Variants in TENM2 observed in about 807,000 individuals in gnomAD.
TENM2 encodes the protein teneurin-2.
Under a neutral mutation model 245.2 loss-of-function variants are expected in TENM2, and 52 were observed. The observed-to-expected ratio is 0.21, with a 90% CI of 0.17 to 0.27. The LOEUF is 0.27. Among genes scored for constraint, TENM2 ranks in the 10% least tolerant of loss-of-function variants. TENM2 has a pLI of 1.00. For missense variants in TENM2, 3,046 were observed against 3,666.8 expected (o/e 0.83, Z 4.37); for synonymous variants, 1,363 against 1,438.9 (o/e 0.95, Z 1.19).
chr5:167,050,590 A>G, the TENM2 span, among the ~76,000 whole-genome samples: 1 of 152,176 alleles, frequency 6.6e-6, no homozygotes, highest in Non-Finnish European at 1.5e-5. Context: ...TATATTGTGG[A>G]CCGTGAATGA....
At chr5:167,981,515 A>G (rs2151968182) in intron 4 of TENM2, among the ~76,000 whole-genome samples, 1 of 152,260 alleles carries the variant, frequency 6.6e-6, no homozygotes, top group Non-Finnish European at 1.5e-5. Context: ...AAAAACCAAA[A>G]CCCTCAAGGC....
At chr5:167,288,968 T>C (rs1232439718) in intron 1 of TENM2, among the ~76,000 whole-genome samples, 1 of 152,238 alleles carries the variant, frequency 6.6e-6, no homozygotes, top group African/African-American at 2.4e-5. Context: ...TTCTTAATGA[T>C]ACAGGAACTG....
chr5:167,107,251 A>T, the TENM2 span, among the ~76,000 whole-genome samples: 94 of 151,838 alleles, frequency 6.2e-4, no homozygotes, highest in African/African-American at 2.2e-3. Context: ...AACAAGAGCG[A>T]AACTTCGTGA....
the TENM2 span, among the ~76,000 whole-genome samples, chr5:167,125,830 T>C: frequency 6.6e-6 from 1 of 152,208 alleles, no homozygotes; most frequent in Non-Finnish European, 1.5e-5. Context: ...AGTATAATTG[T>C]TAAGTCCACT....
chr5:167,206,277 C>T, the TENM2 span, among the ~76,000 whole-genome samples: 11 of 152,130 alleles, frequency 7.2e-5, no homozygotes, highest in Non-Finnish European at 1.3e-4. Flanking sequence ...ATTTGTTTCT[C>T]TTCTGTTTCT....
At chr5:168,197,880 AACC>A (rs1359309284) in intron 15 of TENM2, among the ~76,000 whole-genome samples, 1 of 152,220 alleles carries the variant, frequency 6.6e-6, no homozygotes, top group Non-Finnish European at 1.5e-5. Flanking sequence ...ATAGCTTAAG[AACC>A]ATTGGCAAAG....
intron 25 of TENM2, among the ~76,000 whole-genome samples, chr5:168,240,583 T>C (rs1408738245): frequency 1.3e-5 from 2 of 152,180 alleles, no homozygotes; most frequent in Admixed American, 1.3e-4. Context: ...ACTCAGCCTG[T>C]GTAAATGCTC....
In TENM2 at chr5:167,619,417, T is replaced by C. The variant is rs554222131; in HGVS notation, c.502+243944T>C. Among the ~76,000 whole-genome samples, 11 of 152,254 alleles carry C rather than the reference T, an allele frequency of 7.2e-5. No homozygotes were observed. In the East Asian group the frequency reaches 2.1e-3, roughly 29 times the overall value. ...GGCATAAAATTTGGTGGATGCTGTTTCCTCATCTGTGAAATTGAACCTAGA... is the reference window on the plus strand; with the variant it reads ...GGCATAAAATTTGGTGGATGCTGTTCCCTCATCTGTGAAATTGAACCTAGA... On this transcript the variant is annotated intron_variant, in intron 2 of 28. Transcript: ENST00000518659.
intron 3 of TENM2, among the ~76,000 whole-genome samples, chr5:167,910,702 A>T (rs1007430293): frequency 6.6e-6 from 1 of 152,182 alleles, no homozygotes; most frequent in East Asian, 1.9e-4. Flanking sequence ...CATGGAGCAG[A>T]TGTTTCTGAA....
At chr5:167,279,622 C>T in the TENM2 span, among the ~76,000 whole-genome samples, 1 of 146,010 alleles carries the variant, frequency 6.8e-6, no homozygotes, top group African/African-American at 2.5e-5. Flanking sequence ...TGCAAGTTCT[C>T]TCATTCTTGT....
At chr5:168,086,862 G>A (rs1792504647) in intron 7 of TENM2, among the ~76,000 whole-genome samples, 1 of 152,204 alleles carries the variant, frequency 6.6e-6, no homozygotes, top group Non-Finnish European at 1.5e-5. Flanking sequence ...CAGGGCCTGA[G>A]CTTTTGGAAA....
At chr5:167,457,156 A>G (rs1322849165) in intron 2 of TENM2, among the ~76,000 whole-genome samples, 1 of 152,178 alleles carries the variant, frequency 6.6e-6, no homozygotes, top group African/African-American at 2.4e-5. Context: ...CTCTAAAATC[A>G]TAAGAAAGTA....
chr5:167,913,670 G>A (rs1054048135), intron 3 of TENM2, among the ~76,000 whole-genome samples: 1 of 152,088 alleles, frequency 6.6e-6, no homozygotes. Flanking sequence ...TGCTTTTATA[G>A]ACAGAAAGGA....
intron 4 of TENM2, among the ~76,000 whole-genome samples, chr5:167,989,183 A>G (rs2151995996): frequency 6.6e-6 from 1 of 152,222 alleles, no homozygotes; most frequent in South Asian, 2.1e-4. Context: ...GAAAGAGATT[A>G]ATAACACCAG....
At chr5:167,048,825 C>T in the TENM2 span, among the ~76,000 whole-genome samples, 75 of 152,096 alleles carry the variant, frequency 4.9e-4, no homozygotes, top group African/African-American at 1.7e-3. Context: ...AGGCATTGGA[C>T]CAGAAGATGT....
chr5:167,245,003 C>T, the TENM2 span, among the ~76,000 whole-genome samples: 1 of 152,042 alleles, frequency 6.6e-6, no homozygotes, highest in East Asian at 1.9e-4. Flanking sequence ...TAATTCCTGT[C>T]AAATTGGTTC....
intron 10 of TENM2, among the ~76,000 whole-genome samples, chr5:168,122,297 C>G (rs1037978364): frequency 1.1e-4 from 16 of 152,246 alleles, no homozygotes; most frequent in African/African-American, 3.9e-4. Flanking sequence ...CTGCCTCAGC[C>G]TCCCAAGTAG....
intron 12 of TENM2, among the ~76,000 whole-genome samples, chr5:168,132,253 A>G (rs1004333639): frequency 1.3e-5 from 2 of 152,240 alleles, no homozygotes; most frequent in African/African-American, 4.8e-5. Flanking sequence ...CAAGAGTCTC[A>G]TCACTGGAAG....
chr5:167,261,920 G>A, the TENM2 span, among the ~76,000 whole-genome samples: 4 of 152,166 alleles, frequency 2.6e-5, no homozygotes, highest in Non-Finnish European at 5.9e-5. Context: ...GACTCTAACA[G>A]CTCCATTTTG....
Sources: allele counts gnomAD v4.1 joint callset (sites outside exome capture counted in the v4.1 genomes callset), GRCh38; gene constraint gnomAD v4.1.1; transcripts MANE v1.5; gene names NCBI Gene and HGNC (gene_info 2026-07-23, HGNC 2026-07-21).